The following SLC31A2 variants were observed in gnomAD, a reference collection of about 807,000 sequenced individuals.
SLC31A2 encodes the protein protein SLC31A2.
SLC31A2 carries 16 observed loss-of-function variants against 14.4 expected under a neutral mutation model. The ratio of observed to expected loss-of-function variants is 1.11; its 90% CI spans 0.75 to 1.69. The LOEUF is 1.69. Ranked by LOEUF, SLC31A2 falls within the 40% of genes most tolerant of loss-of-function variation. The pLI is 0.00. For missense variants in SLC31A2, 140 were observed against 173.9 expected (o/e 0.81, Z 1.10); for synonymous variants, 56 against 68.7 (o/e 0.82, Z 0.91).
chr9:113,151,120 G>A lies in SLC31A2; in HGVS notation c.6+40G>A, dbSNP rs1229006456. The A allele has an allele frequency of 3.1e-6, 4 of 1,292,870 alleles. No individual in the cohort carries two copies. Among genetic ancestry groups the A allele is most frequent in the Middle Eastern group, 2.2e-4 (1 of 4,528 alleles). The allele number at this position is 1,292,870 out of a possible 1,614,324, so 80.1% of individuals were successfully genotyped here. ...CTACGGTGAAGAGGGTGGGCGGTTG[G>A]GGCGGGGTCTCCTGGAGCTGCCATC... On this transcript the variant is annotated intron_variant, in intron 1 of 3. Coordinates refer to ENST00000259392, the MANE Select transcript of SLC31A2 (RefSeq NM_001860.3). The surrounding 1 kb of genome is among the most constrained non-coding windows in gnomAD (Gnocchi z 4.2).
At chr9:113,157,699 CT>C in intron 1 of SLC31A2, 27 bp from the exon 2 acceptor site, 2 of 1,589,720 alleles carry the variant, frequency 1.3e-6, no homozygotes, top group Non-Finnish European at 1.7e-6. Flanking sequence ...CCCTGTGCCC[CT>C]ATGATGCAGA....
In SLC31A2 at chr9:113,159,910, C is replaced by T. The variant is rs184201181; in HGVS notation, c.74-1599C>T. On this transcript the variant is annotated intron_variant, in intron 2 of 3. Coordinates refer to ENST00000259392, the MANE Select transcript of SLC31A2 (RefSeq NM_001860.3). The stretch of plus-strand genomic sequence containing the variant: ...TACAAATGGGCCAGGTGTGGTGGCT[C>T]ATGCCTGTAATCCCAGCACTTTGGG... 4.6e-5 allele frequency among the ~76,000 whole-genome samples: 7 copies of T among 152,310 alleles called. No homozygotes were observed. The East Asian group carries it at 7.7e-4, about 17-fold the overall frequency.
intron 1 of SLC31A2, among the ~76,000 whole-genome samples, chr9:113,155,358 A>G (rs1829920725): frequency 6.6e-6 from 1 of 152,240 alleles, no homozygotes; most frequent in African/African-American, 2.4e-5. Flanking sequence ...TTGGCAAGTT[A>G]CTTAAACTCT....
At chr9:113,156,338 G>A (rs923605745) in intron 1 of SLC31A2, among the ~76,000 whole-genome samples, 1 of 152,074 alleles carries the variant, frequency 6.6e-6, no homozygotes, top group Non-Finnish European at 1.5e-5. Context: ...GGGGTGGAGA[G>A]GGACTCAAGT....
chr9:113,157,844 G>C lies in SLC31A2; in HGVS notation c.73+51G>C, dbSNP rs1238420550. On this transcript the variant is annotated intron_variant, in intron 2 of 3. Coordinates refer to ENST00000259392, the MANE Select transcript of SLC31A2 (RefSeq NM_001860.3). ...TAGCTTGGAAAGCCTTGTAGTACTAGGCAAGGGAGAATCTGGGTTCTCTTG... is the reference window on the plus strand; with the variant it reads ...TAGCTTGGAAAGCCTTGTAGTACTACGCAAGGGAGAATCTGGGTTCTCTTG... 2.1e-6 allele frequency: 3 copies of C among 1,403,304 alleles called. No individual in the cohort carries two copies. The African/African-American group carries it at 4.2e-5, about 20-fold the overall frequency. 86.9% of individuals were successfully genotyped at this position (1,403,304 alleles called of 1,614,324 possible).
chr9:113,153,119 GT>G (rs10700218), intron 1 of SLC31A2, among the ~76,000 whole-genome samples: 54 of 142,770 alleles, frequency 3.8e-4, no homozygotes, highest in Middle Eastern at 3.6e-3. Flanking sequence ...GTGTCAAAAT[GT>G]TTTTTTTTTT....
chr9:113,157,791 C>T lies in SLC31A2; in HGVS notation c.71C>T (p.Ala24Val), dbSNP rs1473282356. The T allele has an allele frequency of 6.2e-7, 1 of 1,611,368 alleles. No homozygotes were observed. Among genetic ancestry groups the T allele is most frequent in the Admixed American group, 1.7e-5 (1 of 59,824 alleles). The change falls in exon 2 of 4, where the codon GCT becomes GTT. Residue 24 changes from alanine (A) to valine (V), a missense_variant and splice_region_variant. Transcript: ENST00000259392. Reference protein sequence around the residue: ...LFDFWSVHSPAGMALSVLVLL... With the variant: ...LFDFWSVHSPVGMALSVLVLL... ...GATTTCTGGAGTGTCCACAGTCCTG[C>T]TGGTAAGAATTGGGGACCTCAGACT...
intron 3 of SLC31A2, 27 bp downstream of exon 3, chr9:113,161,725 G>A: frequency 6.2e-7 from 1 of 1,610,496 alleles, no homozygotes; most frequent in Non-Finnish European, 8.5e-7. Flanking sequence ...TGGGAAAGGG[G>A]CAGAAGCCTC....
Position 113,161,660 on chromosome 9 carries a change from A to G in SLC31A2, c.225A>G (p.Ala75=), listed in dbSNP as rs2118837507. The stretch of plus-strand genomic sequence containing the variant: ...TCGCAGAGACAGACGGGGACTCTGC[A>G]GGCTCAGATTCATTCCCTGTTGGCA... ...QTIAETDGDS[A]GSDSFPVGRT... The change falls in exon 3 of 4, where the codon GCA becomes GCG. Residue 75 remains alanine (A), a synonymous_variant. Transcript: ENST00000259392. The G allele has an allele frequency of 6.2e-7, 1 of 1,614,020 alleles. No individual in the cohort carries two copies. The highest frequency in any genetic ancestry group is 8.5e-7 in the Non-Finnish European group (1 of 1,179,882).
At chr9:113,154,338 G>A (rs1044106606) in intron 1 of SLC31A2, among the ~76,000 whole-genome samples, 8 of 152,318 alleles carry the variant, frequency 5.3e-5, no homozygotes, top group South Asian at 4.1e-4. Flanking sequence ...GGCTTTCTGC[G>A]TGTCAGCAGC....
At chr9:113,157,676 G>A (rs981965551) in intron 1 of SLC31A2, 51 bp from the exon 2 acceptor site, 61 of 1,472,378 alleles carry the variant, frequency 4.1e-5, no homozygotes, top group South Asian at 7.1e-5. Flanking sequence ...ATTAAGGACC[G>A]TAACTTCCAC....
At position 113,157,801 on chromosome 9, in the gene SLC31A2, T is replaced by G; in HGVS notation, c.73+8T>G. On this transcript the variant is annotated splice_region_variant and intron_variant, in intron 2 of 3. Transcript: ENST00000259392. Reference sequence around the variant, plus strand: ...GTGTCCACAGTCCTGCTGGTAAGAATTGGGGACCTCAGACTTGTAGCTTGG... The same window carrying G: ...GTGTCCACAGTCCTGCTGGTAAGAAGTGGGGACCTCAGACTTGTAGCTTGG... 1.2e-6 allele frequency: 2 copies of G among 1,610,088 alleles called. No individual in the cohort carries two copies. The highest frequency in any genetic ancestry group is 1.7e-6 in the Non-Finnish European group (2 of 1,177,232).
chr9:113,160,701 G>T (rs1382610450), intron 2 of SLC31A2, among the ~76,000 whole-genome samples: 2 of 152,122 alleles, frequency 1.3e-5, no homozygotes, highest in Admixed American at 6.5e-5. Flanking sequence ...CCTTCCAGAG[G>T]TAGGGAGTGG....
chr9:113,153,193 T>G (rs1829890642), intron 1 of SLC31A2, among the ~76,000 whole-genome samples: 1 of 151,934 alleles, frequency 6.6e-6, no homozygotes, highest in African/African-American at 2.4e-5. Flanking sequence ...TTACTTTCTT[T>G]TCGGTACTGT....
At chr9:113,157,497 C>T (rs1474314645) in intron 1 of SLC31A2, among the ~76,000 whole-genome samples, 1 of 152,192 alleles carries the variant, frequency 6.6e-6, no homozygotes, top group African/African-American at 2.4e-5. Flanking sequence ...ACTCCCACAC[C>T]TCTATTCTCA....
intron 2 of SLC31A2, 63 bp from the exon 3 acceptor site, chr9:113,161,446 A>T (rs1320626243): frequency 9.1e-6 from 13 of 1,427,330 alleles, no homozygotes; most frequent in Non-Finnish European, 1.2e-5. Flanking sequence ...GAACAGGTGG[A>T]GGTGCTGGAA....
At chr9:113,162,137 C>CA (rs1294765688) in intron 3 of SLC31A2, 4 of 332,136 alleles carry the variant, frequency 1.2e-5, no homozygotes, top group Non-Finnish European at 1.7e-5. Flanking sequence ...ATCAGGCAAC[C>CA]ATTTAGGGTC....
intron 2 of SLC31A2, chr9:113,161,247 G>C (rs1032621015): frequency 4.1e-5 from 20 of 482,164 alleles, no homozygotes; most frequent in African/African-American, 3.4e-4. Flanking sequence ...CAGCCTGCTG[G>C]GGGAGTGGGT....
chr9:113,162,499 C>T (rs1484726561), intron 3 of SLC31A2: 1 of 362,616 alleles, frequency 2.8e-6, no homozygotes, highest in South Asian at 4.6e-5. Flanking sequence ...CCTCATTTTC[C>T]CCTTTGCCTA....
Sources: allele counts gnomAD v4.1 joint callset (sites outside exome capture counted in the v4.1 genomes callset), GRCh38; gene constraint gnomAD v4.1.1; non-coding constraint Gnocchi (gnomAD v3.1); transcripts MANE v1.5; gene names NCBI Gene and HGNC (gene_info 2026-07-23, HGNC 2026-07-21).